TTC23: variants seen among roughly 807,000 people sequenced by gnomAD.
TTC23 encodes the protein tetratricopeptide repeat protein 23.
TTC23 carries 58 observed loss-of-function variants against 55.1 expected under a neutral mutation model. The observed-to-expected ratio is 1.05, with a 90% CI of 0.85 to 1.31. TTC23 has a LOEUF of 1.31. TTC23 is among the 50% of genes most tolerant of loss of function. TTC23 has a pLI of 0.00. For synonymous variants in TTC23, 203 were observed against 199.9 expected (o/e 1.02, Z -0.13); for missense variants, 516 against 534.4 (o/e 0.97, Z 0.34).
chr15:99,205,814 T>TA (rs1350135540), intron 8 of TTC23, among the ~76,000 whole-genome samples: 1 of 152,190 alleles, frequency 6.6e-6, no homozygotes, highest in Non-Finnish European at 1.5e-5. Flanking sequence ...TTTTCTTGCC[T>TA]AACTTCTTGG....
chr15:99,229,795 C>A (rs138973909), intron 4 of TTC23, among the ~76,000 whole-genome samples: 169 of 152,348 alleles, frequency 1.1e-3, no homozygotes, highest in African/African-American at 3.8e-3. Context: ...ATTTCTAATT[C>A]ATGAGGCATT....
chr15:99,223,936 A>C (rs1216935001), intron 5 of TTC23, among the ~76,000 whole-genome samples: 1 of 152,242 alleles, frequency 6.6e-6, no homozygotes, highest in Non-Finnish European at 1.5e-5. Flanking sequence ...AAGCAGAGGA[A>C]GAAAGGTAAG....
intron 8 of TTC23, among the ~76,000 whole-genome samples, chr15:99,216,026 C>T (rs1393330517): frequency 6.6e-6 from 1 of 151,964 alleles, no homozygotes; most frequent in African/African-American, 2.4e-5. Flanking sequence ...GTCAACTAAC[C>T]AATAAAGTGA....
chr15:99,209,491 T>C (rs545121684), intron 8 of TTC23, among the ~76,000 whole-genome samples: 2 of 152,320 alleles, frequency 1.3e-5, no homozygotes, highest in South Asian at 4.1e-4. Flanking sequence ...GCTTGGACAC[T>C]AGCGTTGAAT....
intron 10 of TTC23, among the ~76,000 whole-genome samples, chr15:99,163,764 C>T (rs938897501): frequency 2.0e-5 from 3 of 152,202 alleles, no homozygotes; most frequent in African/African-American, 7.2e-5. Context: ...AGTTTCCTCA[C>T]TCCTTCCACC....
At chr15:99,154,643 T>C (rs1200470264) in intron 12 of TTC23, among the ~76,000 whole-genome samples, 1 of 152,208 alleles carries the variant, frequency 6.6e-6, no homozygotes, top group East Asian at 1.9e-4. Flanking sequence ...AATTACCTAA[T>C]CTCCGGTAGT....
At chr15:99,229,690 T>C (rs1376230163) in intron 4 of TTC23, among the ~76,000 whole-genome samples, 2 of 152,234 alleles carry the variant, frequency 1.3e-5, no homozygotes, top group Non-Finnish European at 2.9e-5. Context: ...AAAAGTATTT[T>C]AGTCTGGAGA....
chr15:99,210,951 G>A (rs1281438477), intron 8 of TTC23, among the ~76,000 whole-genome samples: 1 of 152,120 alleles, frequency 6.6e-6, no homozygotes, highest in Non-Finnish European at 1.5e-5. Context: ...TAGTAAGTAC[G>A]AGTTAAGGGA....
intron 12 of TTC23, among the ~76,000 whole-genome samples, chr15:99,148,084 C>T (rs1412023842): frequency 6.6e-5 from 10 of 151,916 alleles, no homozygotes; most frequent in Admixed American, 2.6e-4. Context: ...CTTCCTAGGC[C>T]GGGCATGGTG....
At chr15:99,166,260 G>A (rs542033705) in intron 10 of TTC23, among the ~76,000 whole-genome samples, 1 of 152,268 alleles carries the variant, frequency 6.6e-6, no homozygotes, top group Admixed American at 6.5e-5. Context: ...TCTTTGTAAT[G>A]TTCTCCCACC....
intron 8 of TTC23, among the ~76,000 whole-genome samples, chr15:99,210,867 A>G (rs961740346): frequency 6.6e-6 from 1 of 152,166 alleles, no homozygotes; most frequent in African/African-American, 2.4e-5. Context: ...CATCATCTCA[A>G]TGAGGTGATG....
chr15:99,153,381 G>A (rs2070107815), intron 12 of TTC23, among the ~76,000 whole-genome samples: 1 of 152,202 alleles, frequency 6.6e-6, no homozygotes, highest in African/African-American at 2.4e-5. Flanking sequence ...ACTGATAGCA[G>A]ATACGTGTCA....
At chr15:99,224,369 A>T (rs531665020) in intron 5 of TTC23, among the ~76,000 whole-genome samples, 3 of 152,324 alleles carry the variant, frequency 2.0e-5, no homozygotes, top group African/African-American at 7.2e-5. Flanking sequence ...CTATCTTTAT[A>T]TATTTTTTCT....
rs958674388 is a variant in TTC23 at position 99,243,840 on chromosome 15, G to C, written c.-309+1549C>G. ...GAAGCTGGGAAGGGTATTGGGCAGG[G>C]AGGGAAAAGTGGGGATAGTTAATGG... On this transcript the variant is annotated intron_variant, in intron 2 of 13. Transcript: ENST00000394132. Among the ~76,000 whole-genome samples the C allele has an allele frequency of 3.3e-5, 5 of 152,192 alleles. No homozygotes were observed. In the South Asian group the frequency reaches 1.0e-3, roughly 31 times the overall value.
chr15:99,198,435 ACTTCT>A (rs1349546837), intron 9 of TTC23, among the ~76,000 whole-genome samples: 1 of 151,966 alleles, frequency 6.6e-6, no homozygotes, highest in Non-Finnish European at 1.5e-5. Context: ...ATATCCATCT[ACTTCT>A]CTTCATCTCC....
intron 5 of TTC23, 98 bp from the exon 6 acceptor site, chr15:99,221,962 G>T: frequency 7.3e-7 from 1 of 1,374,638 alleles, no homozygotes; most frequent in Non-Finnish European, 9.9e-7. Flanking sequence ...AATACTGAGT[G>T]ACTACTATGT....
intron 5 of TTC23, among the ~76,000 whole-genome samples, chr15:99,226,798 C>G (rs1466739273): frequency 6.6e-6 from 1 of 152,158 alleles, no homozygotes; most frequent in Admixed American, 6.5e-5. Flanking sequence ...GAGGCCCTCC[C>G]TGATCACCCT....
intron 9 of TTC23, among the ~76,000 whole-genome samples, chr15:99,182,401 G>A (rs2074241219): frequency 6.6e-6 from 1 of 152,084 alleles, no homozygotes; most frequent in Admixed American, 6.5e-5. Context: ...TACGAGTGAG[G>A]CTGAGGATTA....
intron 10 of TTC23, among the ~76,000 whole-genome samples, chr15:99,171,762 C>T (rs1784951319): frequency 6.6e-6 from 1 of 151,312 alleles, no homozygotes. Flanking sequence ...TGGGGTTTCA[C>T]CATGTTGGCC....
Sources: allele counts gnomAD v4.1 joint callset (sites outside exome capture counted in the v4.1 genomes callset), GRCh38; gene constraint gnomAD v4.1.1; transcripts MANE v1.5; gene names NCBI Gene and HGNC (gene_info 2026-07-23, HGNC 2026-07-21).